ZNF420: variants seen among roughly 807,000 people sequenced by gnomAD.
ZNF420 encodes zinc finger protein 420.
Under a neutral mutation model 44.7 loss-of-function variants are expected in ZNF420, and 31 were observed. The ratio of observed to expected loss-of-function variants is 0.69; its 90% CI spans 0.52 to 0.94. ZNF420 has a LOEUF of 0.94. Ranked by LOEUF, ZNF420 falls within the 40% of genes least tolerant of loss-of-function variation. ZNF420 has a pLI of 0.00. For missense variants in ZNF420, 681 were observed against 827.9 expected (o/e 0.82, Z 2.18); for synonymous variants, 245 against 267.4 (o/e 0.92, Z 0.82).
At chr19:37,078,357 C>G (rs999231728), upstream of ZNF420, 5 of 152,210 alleles carry the variant, frequency 3.3e-5, no homozygotes, top group Non-Finnish European at 5.9e-5. Context: ...TTCCCAGAGG[C>G]ACGGCGTCCG....
intron 1 of ZNF420, among the ~76,000 whole-genome samples, chr19:37,030,899 T>TTGTTTTATTTTGC (rs1967245849): frequency 6.6e-6 from 1 of 152,158 alleles, no homozygotes; most frequent in South Asian, 2.1e-4. Flanking sequence ...TTCGTTGTTG[T>TTGTTTTATTTTGC]TGTTTTATTT....
chr19:37,033,978 A>G (rs1476277543), intron 1 of ZNF420, among the ~76,000 whole-genome samples: 1 of 151,692 alleles, frequency 6.6e-6, no homozygotes, highest in Non-Finnish European at 1.5e-5. Context: ...GCTGATCTTG[A>G]ACTCCTGACC....
In ZNF420 at chr19:37,046,484, C is replaced by A. The variant is rs185161123; in HGVS notation, c.-124-33861C>A. 3.0e-4 allele frequency among the ~76,000 whole-genome samples: 46 copies of A among 152,124 alleles called. No homozygotes were observed. The East Asian group carries it at 6.9e-3, about 23-fold the overall frequency. ...TAGGAGAATGGGTAAATAAATTATA[C>A]CCTTAAAAACTGAATAATATGTTAT... On this transcript the variant is annotated intron_variant, in intron 1 of 4. Coordinates refer to the ZNF420 transcript ENST00000587029.
intron 1 of ZNF420, chr19:37,025,190 TA>T: frequency 2.4e-6 from 1 of 413,478 alleles, no homozygotes; most frequent in Non-Finnish European, 3.9e-6. Context: ...CGGCTAGTCC[TA>T]AAAGCTTCCC....
At chr19:37,084,934 A>T (rs1016995574) in intron 2 of ZNF420, among the ~76,000 whole-genome samples, 1 of 152,004 alleles carries the variant, frequency 6.6e-6, no homozygotes, top group Admixed American at 6.6e-5. Flanking sequence ...GAAAGAATTG[A>T]TTTTTGAGTT....
At chr19:37,065,312 G>GT (rs954386974) in intron 1 of ZNF420, among the ~76,000 whole-genome samples, 1 of 152,170 alleles carries the variant, frequency 6.6e-6, no homozygotes, top group Non-Finnish European at 1.5e-5. Context: ...GCCACAAGGG[G>GT]TTTTAGACCC....
Position 37,080,405 on chromosome 19 carries a change from T to C in ZNF420, c.-81+17T>C, listed in dbSNP as rs1055081842. 10 of 152,664 alleles carry C rather than the reference T, an allele frequency of 6.6e-5. No individual in the cohort carries two copies. Among genetic ancestry groups the C allele is most frequent in the African/African-American group, 1.2e-4 (5 of 41,456 alleles). 9.5% of individuals were successfully genotyped at this position (152,664 alleles called of 1,614,324 possible). On this transcript the variant is annotated intron_variant, in intron 2 of 4. Transcript: ENST00000337995. ...ATGTCCAAGGTGAGTATTTCCTCTTTGTTTCCTGAAATACCTTTGTTATTA... is the reference window on the plus strand; with the variant it reads ...ATGTCCAAGGTGAGTATTTCCTCTTCGTTTCCTGAAATACCTTTGTTATTA...
At chr19:37,125,185 C>A (rs562959639) in intron 4 of ZNF420, among the ~76,000 whole-genome samples, 1 of 152,062 alleles carries the variant, frequency 6.6e-6, no homozygotes, top group Non-Finnish European at 1.5e-5. Context: ...ATTATAGAAC[C>A]CTTTCATTAC....
chr19:37,104,121 TCCTCCCCCCTTCCC>T (rs1356853151), intron 4 of ZNF420, among the ~76,000 whole-genome samples: 2 of 151,708 alleles, frequency 1.3e-5, no homozygotes, highest in Admixed American at 6.6e-5. Flanking sequence ...CTAATGCTAT[TCCTCCCCCCTTCCC>T]CCTCCCCCGA....
At chr19:37,062,332 A>C (rs1252839974) in intron 1 of ZNF420, among the ~76,000 whole-genome samples, 1 of 152,174 alleles carries the variant, frequency 6.6e-6, no homozygotes, top group African/African-American at 2.4e-5. Context: ...GAGGAGGAAC[A>C]TCTCATTTTT....
intron 1 of ZNF420, among the ~76,000 whole-genome samples, chr19:37,026,915 C>T (rs1167568659): frequency 2.0e-5 from 3 of 152,116 alleles, no homozygotes; most frequent in South Asian, 4.1e-4. Context: ...AAAAATTAGC[C>T]GTTCACAAAT....
rs1599604045 is a variant in ZNF420 at position 37,030,155 on chromosome 19, G to T, written c.-125+22073G>T. ...GTAATCACTGTGGTTCTCTGTTTTT[G>T]TTGTTGTTGTTGTTGTTGTTGTTTG... On this transcript the variant is annotated intron_variant, in intron 1 of 4. Transcript: ENST00000587029. Among the ~76,000 whole-genome samples, 3 of 151,568 alleles carry T rather than the reference G, an allele frequency of 2.0e-5. No individual in the cohort carries two copies. In the Admixed American group the frequency reaches 2.0e-4, roughly 10 times the overall value.
At position 37,127,657 on chromosome 19, in the gene ZNF420, A is replaced by G. The variant is rs1208298811; in HGVS notation, c.666A>G (p.Pro222=). 1 of 1,613,372 alleles carries G rather than the reference A, an allele frequency of 6.2e-7. No individual in the cohort carries two copies. The highest frequency in any genetic ancestry group is 2.2e-5 in the East Asian group (1 of 44,816). ...ATAGAATTCATACTGGTGAAAAACC[A>G]TATAAATGTGAAGAATGTGGGAAAG... ...LHHRIHTGEK[P]YKCEECGKAF... The change falls in exon 5 of 5, where the codon CCA becomes CCG. Residue 222 remains proline (P), a synonymous_variant. Transcript: ENST00000337995.
intron 1 of ZNF420, among the ~76,000 whole-genome samples, chr19:37,010,063 G>C (rs1019771186): frequency 6.6e-6 from 1 of 152,208 alleles, no homozygotes; most frequent in Admixed American, 6.5e-5. Flanking sequence ...AGTCGGCCTA[G>C]GCAATGCGCA....
intron 1 of ZNF420, among the ~76,000 whole-genome samples, chr19:37,025,421 G>A (rs1274084469): frequency 1.3e-5 from 2 of 152,016 alleles, no homozygotes; most frequent in Non-Finnish European, 2.9e-5. Context: ...CTTGAAATTT[G>A]TAAAATTGGA....
intron 1 of ZNF420, among the ~76,000 whole-genome samples, chr19:37,060,921 G>A (rs2146440463): frequency 6.6e-6 from 1 of 152,182 alleles, no homozygotes; most frequent in Non-Finnish European, 1.5e-5. Context: ...GGGAGGTTGC[G>A]TCAGGGCTAC....
intron 1 of ZNF420, among the ~76,000 whole-genome samples, chr19:37,064,765 C>T (rs1967937202): frequency 6.6e-6 from 1 of 152,172 alleles, no homozygotes; most frequent in Non-Finnish European, 1.5e-5. Flanking sequence ...GCTTGCTCAG[C>T]CCCTAATGGA....
intron 1 of ZNF420, among the ~76,000 whole-genome samples, chr19:37,043,551 T>G (rs1967495308): frequency 6.6e-6 from 1 of 152,224 alleles, no homozygotes; most frequent in Admixed American, 6.5e-5. Flanking sequence ...TAGATGGAGT[T>G]TTGCTCTTCT....
At position 37,128,764 on chromosome 19, in the gene ZNF420, G is replaced by T. The variant is rs748673591; in HGVS notation, c.1773G>T (p.Glu591Asp). Residue 591 changes from glutamate to aspartate, a missense_variant, in exon 5 of 5, where the codon GAG becomes GAT. Physicochemically the swap from Glu to Asp is conservative, Grantham distance 45 (BLOSUM62 2). Coordinates refer to ENST00000337995, the MANE Select transcript of ZNF420 (RefSeq NM_144689.5). ...HTGEKPYECK[E>D]CGKAFSHGSQ... is the part of the protein sequence containing the mutation. ...GAGAAAAACCCTATGAATGCAAGGA[G>T]TGTGGCAAGGCCTTTAGTCATGGCT... The T allele has an allele frequency of 1.2e-6, 2 of 1,611,654 alleles. No homozygotes were observed. The highest frequency in any genetic ancestry group is 3.3e-5 in the Admixed American group (2 of 59,766).
Sources: allele counts gnomAD v4.1 joint callset (sites outside exome capture counted in the v4.1 genomes callset), GRCh38; gene constraint gnomAD v4.1.1; transcripts MANE v1.5; gene names NCBI Gene and HGNC (gene_info 2026-07-23, HGNC 2026-07-21).